Variants in MICU3 observed in about 807,000 individuals in gnomAD.
MICU3 encodes the protein calcium uptake protein 3, mitochondrial.
In MICU3, 62 loss-of-function variants were observed where a neutral mutation model predicts 66.5. The observed-to-expected ratio is 0.93, with a 90% CI of 0.76 to 1.15. MICU3 has a LOEUF of 1.15. Ranked by LOEUF, MICU3 falls within the 50% of genes most tolerant of loss-of-function variation. The pLI is 0.00. For missense variants in MICU3, 779 were observed against 664.4 expected, an observed-to-expected ratio of 1.17 and a Z score of -1.90; for synonymous variants, 308 against 240.7, an observed-to-expected ratio of 1.28 and a Z score of -2.59.
intron 9 of MICU3, among the ~76,000 whole-genome samples, chr8:17,100,295 A>G (rs973403693): frequency 1.3e-5 from 2 of 151,790 alleles, no homozygotes; most frequent in African/African-American, 4.8e-5. Context: ...TGCTAAATTA[A>G]TGAATGAATT....
intron 1 of MICU3, among the ~76,000 whole-genome samples, chr8:17,056,038 G>C (rs1816871416): frequency 6.6e-6 from 1 of 152,156 alleles, no homozygotes; most frequent in Non-Finnish European, 1.5e-5. Context: ...AATATAAGGA[G>C]CTTTAGATTA....
At chr8:17,100,293 T>G (rs963328832) in intron 9 of MICU3, among the ~76,000 whole-genome samples, 29 of 151,630 alleles carry the variant, frequency 1.9e-4, no homozygotes, top group African/African-American at 7.0e-4. Flanking sequence ...GCTGCTAAAT[T>G]AATGAATGAA....
chr8:17,060,391 G>GGGT (rs1333392422), intron 1 of MICU3, among the ~76,000 whole-genome samples: 63 of 152,000 alleles, frequency 4.1e-4, no homozygotes, highest in African/African-American at 1.4e-3. Flanking sequence ...CTGCCTCCCG[G>GGGT]GTTACGAGTG....
chr8:17,060,296 C>CT (rs11345470), intron 1 of MICU3, among the ~76,000 whole-genome samples: 92 of 145,530 alleles, frequency 6.3e-4, no homozygotes, highest in Non-Finnish European at 6.5e-4. Flanking sequence ...AAACTGTTTA[C>CT]TTTTTTTTTT....
At chr8:17,055,655 C>T (rs959247427) in intron 1 of MICU3, among the ~76,000 whole-genome samples, 1 of 152,164 alleles carries the variant, frequency 6.6e-6, no homozygotes, top group Admixed American at 6.5e-5. Flanking sequence ...CTTTATTTCC[C>T]TCTCCCTTCG....
rs1012404580 is a variant in MICU3 at position 17,096,660 on chromosome 8, C to A, written c.889-1798C>A. Among the ~76,000 whole-genome samples, 4 of 151,750 alleles carry A rather than the reference C, an allele frequency of 2.6e-5. No homozygotes were observed. In the East Asian group the frequency reaches 7.7e-4, roughly 29 times the overall value. On this transcript the variant is annotated intron_variant, in intron 8 of 14. Coordinates refer to ENST00000318063, the MANE Select transcript of MICU3 (RefSeq NM_181723.3). ...CAGTTACAGCAATTCAGTAGTATAT[C>A]CTAGCATTGTTTAATCCCTGAGGCT...
downstream of MICU3, among the ~76,000 whole-genome samples, chr8:17,123,870 A>G (rs1334244339): frequency 6.6e-6 from 1 of 151,598 alleles, no homozygotes; most frequent in African/African-American, 2.4e-5. Context: ...TTTAGAATAT[A>G]CTTTGATTGC....
chr8:17,094,644 T>G (rs1434232950), intron 8 of MICU3, among the ~76,000 whole-genome samples: 1 of 151,920 alleles, frequency 6.6e-6, no homozygotes, highest in African/African-American at 2.4e-5. Flanking sequence ...TTGGTTCATT[T>G]TAAAAAAAAA....
At chr8:17,084,468 C>A (rs528286522) in intron 5 of MICU3, among the ~76,000 whole-genome samples, 1 of 151,930 alleles carries the variant, frequency 6.6e-6, no homozygotes, top group Non-Finnish European at 1.5e-5. Context: ...GTGGGGGGTC[C>A]CTTTTTCAAC....
intron 1 of MICU3, among the ~76,000 whole-genome samples, chr8:17,053,165 T>C (rs1252163483): frequency 6.6e-6 from 1 of 152,194 alleles, no homozygotes; most frequent in Non-Finnish European, 1.5e-5. Flanking sequence ...CTCATTTCTC[T>C]GTTTCACGGT....
intron 9 of MICU3, chr8:17,102,659 A>G (rs151185500): frequency 6.6e-6 from 1 of 152,088 alleles, no homozygotes; most frequent in East Asian, 1.9e-4. Context: ...ATGGAGCCCC[A>G]CAAGACTGGC....
rs183154845 is a variant in MICU3 at position 17,043,428 on chromosome 8, A to G, written c.381+15768A>G. Among the ~76,000 whole-genome samples the G allele has an allele frequency of 4.0e-4, 61 of 152,344 alleles. No individual in the cohort carries two copies. In the East Asian group the frequency reaches 0.01, roughly 26 times the overall value. On this transcript the variant is annotated intron_variant, in intron 1 of 14. Coordinates refer to ENST00000318063, the MANE Select transcript of MICU3 (RefSeq NM_181723.3). ...AGGTTACTTGTAATTGTCCATATAC[A>G]TACATTGTCCCCAGGATATTGAGAA...
At chr8:17,047,559 A>G (rs1815300070) in intron 1 of MICU3, among the ~76,000 whole-genome samples, 1 of 152,206 alleles carries the variant, frequency 6.6e-6, no homozygotes, top group Non-Finnish European at 1.5e-5. Flanking sequence ...GTGAAACTGT[A>G]AAATCAAAGA....
At chr8:17,089,063 T>C (rs1440190346) in intron 7 of MICU3, among the ~76,000 whole-genome samples, 1 of 151,972 alleles carries the variant, frequency 6.6e-6, no homozygotes, top group African/African-American at 2.4e-5. Context: ...AAAATAACTT[T>C]TAAGTAATAT....
At position 17,120,489 on chromosome 8, in the gene MICU3, A is replaced by G. The variant is rs1803116596; in HGVS notation, c.*202A>G. 1 of 152,102 alleles carries G rather than the reference A, an allele frequency of 6.6e-6. No individual in the cohort carries two copies. The highest frequency in any genetic ancestry group is 1.5e-5 in the Non-Finnish European group (1 of 67,954). The allele number at this position is 152,102 out of a possible 1,614,324, so 9.4% of individuals were successfully genotyped here. A position where few individuals can be genotyped will look rare whatever the true frequency, so the allele number is the denominator to read the frequency against. Reference sequence around the variant, plus strand: ...TGCATCTTGTTACTACAAATGTTATATATATAAAATCAAGTTGAGCTTTGC... The same window carrying G: ...TGCATCTTGTTACTACAAATGTTATGTATATAAAATCAAGTTGAGCTTTGC... On this transcript the variant is annotated 3_prime_UTR_variant, in exon 15 of 15. Transcript: ENST00000318063.
At chr8:17,082,186 T>TA (rs780457866) in intron 5 of MICU3, among the ~76,000 whole-genome samples, 18 of 152,212 alleles carry the variant, frequency 1.2e-4, no homozygotes, top group Non-Finnish European at 2.2e-4. Context: ...TCTTAGGAAA[T>TA]ATATGAAGGG....
chr8:17,083,261 G>A (rs193177657), intron 5 of MICU3, among the ~76,000 whole-genome samples: 1 of 152,054 alleles, frequency 6.6e-6, no homozygotes, highest in East Asian at 1.9e-4. Flanking sequence ...TCAAGTGTGG[G>A]GTCTGCAAAA....
chr8:17,087,973 T>A (rs904948992), intron 7 of MICU3, among the ~76,000 whole-genome samples: 3 of 152,062 alleles, frequency 2.0e-5, no homozygotes, highest in Non-Finnish European at 4.4e-5. Flanking sequence ...TTCAGATAAC[T>A]AACTTCAGAG....
At position 17,116,598 on chromosome 8, in the gene MICU3, C is replaced by T. The variant is rs770814241; in HGVS notation, c.1522C>T (p.Arg508Trp). 87 of 1,553,900 alleles carry T rather than the reference C, an allele frequency of 5.6e-5. No individual in the cohort carries two copies. The highest frequency in any genetic ancestry group is 7.1e-5 in the African/African-American group (5 of 70,882). Residue 508 changes from arginine to tryptophan, a missense_variant and splice_region_variant, in exon 13 of 15, where the codon CGG becomes TGG. By Grantham distance (101) the Arg-to-Trp change is moderately radical. Coordinates refer to ENST00000318063, the MANE Select transcript of MICU3 (RefSeq NM_181723.3). ...IMKDRLHRGF[R>W]GYKTVQKYPT... ...GAAAGACAGACTCCATAGAGGATTC[C>T]GGGTAAACCTACACATTTTAAACCT...
Sources: allele counts gnomAD v4.1 joint callset (sites outside exome capture counted in the v4.1 genomes callset), GRCh38; gene constraint gnomAD v4.1.1; transcripts MANE v1.5; gene names NCBI Gene and HGNC (gene_info 2026-07-23, HGNC 2026-07-21).